MYH11: variants seen among roughly 807,000 people sequenced by gnomAD.
MYH11 encodes the protein myosin heavy chain 11.
In MYH11, 80 loss-of-function variants were observed where a neutral mutation model predicts 246.6. That is an observed-to-expected ratio of 0.32 (90% CI 0.27 to 0.39). The LOEUF is 0.39. Among genes scored for constraint, MYH11 ranks in the 10% least tolerant of loss-of-function variants. MYH11 has a pLI of 1.00. For missense variants in MYH11, 2,158 were observed against 2,546.8 expected (o/e 0.85, Z 3.29); for synonymous variants, 1,071 against 1,015.5 (o/e 1.05, Z -1.04).
intron 3 of MYH11, among the ~76,000 whole-genome samples, chr16:15,821,559 A>ATTTAGATTAAAT (rs2043411178): frequency 1.3e-5 from 2 of 152,084 alleles, no homozygotes; most frequent in Non-Finnish European, 2.9e-5. Flanking sequence ...CTCCTTTGCT[A>ATTTAGATTAAAT]ACAGAATTTT....
intron 4 of MYH11, among the ~76,000 whole-genome samples, chr16:15,796,345 A>C (rs1387700782): frequency 6.6e-6 from 1 of 152,166 alleles, no homozygotes; most frequent in Non-Finnish European, 1.5e-5. Context: ...GGGTGCTGGA[A>C]ATGAGAGCAG....
chr16:15,798,199 T>C (rs1193833826), intron 4 of MYH11, among the ~76,000 whole-genome samples: 1 of 152,178 alleles, frequency 6.6e-6, no homozygotes, highest in Admixed American at 6.6e-5. Context: ...TGTACCTAGG[T>C]CTTCAAAGAA....
chr16:15,769,178 T>C (rs1225506589), intron 9 of MYH11, among the ~76,000 whole-genome samples: 2 of 152,180 alleles, frequency 1.3e-5, no homozygotes, highest in East Asian at 3.9e-4. Flanking sequence ...TAGTGGGGCA[T>C]GGTGGTGGGC....
intron 1 of MYH11, among the ~76,000 whole-genome samples, chr16:15,850,345 A>G (rs143394720): frequency 1.3e-5 from 2 of 152,314 alleles, no homozygotes; most frequent in African/African-American, 4.8e-5. Flanking sequence ...AGATCCCATC[A>G]CTGCACTCCA....
At chr16:15,733,896 G>C (rs1196381222) in intron 26 of MYH11, among the ~76,000 whole-genome samples, 1 of 152,210 alleles carries the variant, frequency 6.6e-6, no homozygotes, top group Non-Finnish European at 1.5e-5. Flanking sequence ...GCAGAACGCT[G>C]TGCTCTATGT....
chr16:15,725,073 ATGGGCTAGTACT>A (rs1265633583), intron 28 of MYH11, 81 bp from the exon 29 acceptor site: 2 of 1,112,594 alleles, frequency 1.8e-6, no homozygotes, highest in African/African-American at 3.1e-5. Flanking sequence ...CTCAAAACAC[ATGGGCTAGTACT>A]TGAGGTGTTC....
At chr16:15,704,624 A>T (rs1348106722) in intron 40 of MYH11, among the ~76,000 whole-genome samples, 1 of 152,176 alleles carries the variant, frequency 6.6e-6, no homozygotes, top group Admixed American at 6.5e-5. Context: ...AATTGGAAGA[A>T]GGTGAAATGG....
Position 15,771,635 on chromosome 16 carries a change from C to T in MYH11, c.967G>A (p.Asp323Asn), listed in dbSNP as rs774646317. The change falls in exon 9 of 41, where the codon GAT (aspartate) becomes AAT (asparagine). Residue 323 changes from aspartate to asparagine, a missense_variant. By Grantham distance (23) the Asp-to-Asn change is conservative. Transcript: ENST00000300036. ...TCCACGGTTTCCTGGAACATCTCAT[C>T]ATCCTGGGCTGCTGGGATGGGCACA... ...GFVPIPAAQD[D>N]EMFQETVEAM... The T allele has an allele frequency of 3.1e-6, 5 of 1,614,040 alleles. No individual in the cohort carries two copies. Among genetic ancestry groups the T allele is most frequent in the Non-Finnish European group, 4.2e-6 (5 of 1,180,028 alleles).
At chr16:15,805,971 ATTATACTAAGTGAAAGAAGCTAGCCGG>A (rs1464301195) in intron 3 of MYH11, among the ~76,000 whole-genome samples, 2 of 151,886 alleles carry the variant, frequency 1.3e-5, no homozygotes, top group Non-Finnish European at 2.9e-5. Context: ...CCTTGACAAC[ATTATACTAAGTGAAAGAAGCTAGCCGG>A]CTGGGCACGG....
intron 8 of MYH11, among the ~76,000 whole-genome samples, chr16:15,772,225 G>A (rs1399263935): frequency 2.0e-5 from 3 of 150,250 alleles, no homozygotes; most frequent in Non-Finnish European, 4.4e-5. Flanking sequence ...CTGAGTAGCT[G>A]GGATTACAGG....
At chr16:15,786,955 T>C (rs561547734) in intron 4 of MYH11, among the ~76,000 whole-genome samples, 2 of 152,192 alleles carry the variant, frequency 1.3e-5, no homozygotes, top group East Asian at 1.9e-4. Context: ...CAAGAGGACA[T>C]AGAAAAGAAT....
At chr16:15,783,823 C>G (rs751752213) in intron 5 of MYH11, among the ~76,000 whole-genome samples, 1 of 152,008 alleles carries the variant, frequency 6.6e-6, no homozygotes, top group African/African-American at 2.4e-5. Flanking sequence ...AAACCATAGC[C>G]CCGAGGAGTT....
At chr16:15,807,642 C>T (rs1054061587) in intron 3 of MYH11, among the ~76,000 whole-genome samples, 8 of 152,052 alleles carry the variant, frequency 5.3e-5, no homozygotes, top group Admixed American at 1.3e-4. Context: ...TGGGGGCGGC[C>T]GGCCATCATC....
At chr16:15,812,029 G>A (rs1047200413) in intron 3 of MYH11, among the ~76,000 whole-genome samples, 1 of 152,080 alleles carries the variant, frequency 6.6e-6, no homozygotes, top group African/African-American at 2.4e-5. Flanking sequence ...TATTCATCAC[G>A]TTCATTTATT....
At chr16:15,778,299 G>A (rs1454746794) in intron 7 of MYH11, among the ~76,000 whole-genome samples, 1 of 152,212 alleles carries the variant, frequency 6.6e-6, no homozygotes, top group Non-Finnish European at 1.5e-5. Context: ...AACTCTCTAA[G>A]AGGACGACAG....
At chr16:15,810,617 C>G (rs1445364175) in intron 3 of MYH11, among the ~76,000 whole-genome samples, 1 of 152,102 alleles carries the variant, frequency 6.6e-6, no homozygotes, top group Non-Finnish European at 1.5e-5. Context: ...TGGCTGTACC[C>G]CTTCCTGGAG....
intron 14 of MYH11, among the ~76,000 whole-genome samples, chr16:15,755,350 G>A (rs1221456299): frequency 2.0e-5 from 3 of 152,324 alleles, no homozygotes; most frequent in South Asian, 2.1e-4. Context: ...TCCCTGGCCA[G>A]AGCAGGCTGG....
intron 1 of MYH11, among the ~76,000 whole-genome samples, chr16:15,838,850 CCA>C (rs1484008813): frequency 9.2e-5 from 9 of 97,334 alleles, no homozygotes; most frequent in East Asian, 2.6e-4. Context: ...GAGCCAGACT[CCA>C]TCTCAAAAAA....
rs117832406 is a variant in MYH11, at chr16:15,821,335, G to A, written c.502+1920C>T. On this transcript the variant is annotated intron_variant, in intron 3 of 40. Transcript: ENST00000300036. ...AATTTCCTTCATTTCATGCCATTTA[G>A]TTCAGTTAGTGTAATGAAAGGTCAC... 4.2e-3 allele frequency among the ~76,000 whole-genome samples: 634 copies of A among 152,248 alleles called. 5 individuals are homozygous for A. The Middle Eastern group carries it at 0.051, about 12-fold the overall frequency.
Sources: gnomAD v4.1 joint callset for allele counts (sites outside exome capture counted in the v4.1 genomes callset) on GRCh38, gnomAD v4.1.1 for gene constraint, MANE v1.5 for transcripts, NCBI Gene and HGNC (gene_info 2026-07-23, HGNC 2026-07-21) for gene names.